Variants in DDX46 observed in about 807,000 individuals in gnomAD.
DDX46 encodes the protein DEAD-box helicase 46.
Under a neutral mutation model 134.9 loss-of-function variants are expected in DDX46, and 30 were observed. The ratio of observed to expected loss-of-function variants is 0.22; its 90% CI spans 0.17 to 0.30. The LOEUF (loss-of-function observed/expected upper bound fraction) is 0.30, where lower values mean the gene tolerates loss of function less well. DDX46 is among the 10% of genes least tolerant of loss of function. DDX46 has a pLI of 1.00. For synonymous variants in DDX46, 415 were observed against 404.1 expected, an observed-to-expected ratio of 1.03 and a Z score of -0.32; for missense variants, 622 against 1,248.7, an observed-to-expected ratio of 0.50 and a Z score of 7.56.
chr5:134,777,896 C>A, intron 6 of DDX46, 171 bp downstream of exon 6: 1 of 664,452 alleles, frequency 1.5e-6, no homozygotes, highest in Non-Finnish European at 2.3e-6. Context: ...TAAATTTTAG[C>A]TATAAGTGTT....
intron 11 of DDX46, among the ~76,000 whole-genome samples, chr5:134,787,158 A>AAGC (rs1280692727): frequency 1.3e-5 from 2 of 152,234 alleles, no homozygotes; most frequent in East Asian, 3.9e-4. Context: ...TCCTGGGCTC[A>AAGC]AGCAATCTGC....
chr5:134,781,422 A>G (rs1294118220), intron 7 of DDX46, among the ~76,000 whole-genome samples, 176 bp downstream of exon 7: 2 of 152,130 alleles, frequency 1.3e-5, no homozygotes, highest in Non-Finnish European at 2.9e-5. Flanking sequence ...TGTTTAGTGG[A>G]ACATTCTGAT....
At chr5:134,816,693 C>A in intron 19 of DDX46, 87 bp downstream of exon 19, 1 of 1,302,826 alleles carries the variant, frequency 7.7e-7, no homozygotes, top group East Asian at 2.4e-5. Context: ...CACAAGTAAA[C>A]AAGTTGTCCT....
At chr5:134,823,338 C>T (rs1294186370) in intron 21 of DDX46, among the ~76,000 whole-genome samples, 1 of 151,770 alleles carries the variant, frequency 6.6e-6, no homozygotes, top group Non-Finnish European at 1.5e-5. Flanking sequence ...TGGGGTTTCA[C>T]CATTGTTGGC....
At chr5:134,774,339 T>G (rs1489515686) in intron 5 of DDX46, among the ~76,000 whole-genome samples, 1 of 151,992 alleles carries the variant, frequency 6.6e-6, no homozygotes, top group Non-Finnish European at 1.5e-5. Context: ...TATGCCAAGT[T>G]TTGTTTGTTC....
At chr5:134,777,103 G>A (rs1451447753) in intron 5 of DDX46, among the ~76,000 whole-genome samples, 2 of 151,968 alleles carry the variant, frequency 1.3e-5, no homozygotes, top group African/African-American at 2.4e-5. Context: ...CCGGTTACTC[G>A]TCAGGCTGAG....
At chr5:134,760,436 G>T (rs545001105) in intron 1 of DDX46, among the ~76,000 whole-genome samples, 3 of 152,266 alleles carry the variant, frequency 2.0e-5, no homozygotes, top group African/African-American at 7.2e-5. Flanking sequence ...TAGGAGGTAG[G>T]TCCTGAATAG....
At chr5:134,820,056 G>A (rs1278309816) in intron 21 of DDX46, among the ~76,000 whole-genome samples, 1 of 151,984 alleles carries the variant, frequency 6.6e-6, no homozygotes, top group Non-Finnish European at 1.5e-5. Context: ...CAAGTAGCTG[G>A]GATTACAGGC....
intron 15 of DDX46, among the ~76,000 whole-genome samples, chr5:134,801,145 A>T (rs974640114): frequency 6.6e-6 from 1 of 152,030 alleles, no homozygotes; most frequent in Non-Finnish European, 1.5e-5. Context: ...ACTATAAAAA[A>T]TTAGCCTCCC....
intron 22 of DDX46, among the ~76,000 whole-genome samples, chr5:134,828,334 G>T (rs1040660441): frequency 1.3e-5 from 2 of 152,176 alleles, no homozygotes; most frequent in Non-Finnish European, 2.9e-5. Flanking sequence ...GTTAAATCAT[G>T]TGCTTAATAC....
intron 11 of DDX46, among the ~76,000 whole-genome samples, chr5:134,786,419 T>C (rs1292035787): frequency 6.6e-6 from 1 of 152,122 alleles, no homozygotes; most frequent in Non-Finnish European, 1.5e-5. Context: ...TTTTTTTCAT[T>C]TTACATATGA....
rs1436422131 is a variant in DDX46 at position 134,830,191 on chromosome 5, AAG to A, written c.*1487_*1488del. The A allele has an allele frequency of 2.6e-5, 4 of 151,784 alleles. No individual in the cohort carries two copies. Among genetic ancestry groups the A allele is most frequent in the South Asian group, 4.1e-4 (2 of 4,830 alleles). 9.4% of individuals were successfully genotyped at this position (151,784 alleles called of 1,614,324 possible). ...ATAGAAAAAAAAAAAAAAAGAAAAA[AAG>A]AATGTAAAATTTTAAAAATACAGTT... On this transcript the variant is annotated 3_prime_UTR_variant, in exon 23 of 23. Transcript: ENST00000452510.
In DDX46 at chr5:134,811,314, G is replaced by T; in HGVS notation, c.2242G>T (p.Asp748Tyr). The T allele has an allele frequency of 6.2e-7, 1 of 1,614,088 alleles. No homozygotes were observed. The highest frequency in any genetic ancestry group is 2.2e-5 in the East Asian group (1 of 44,850). Reference sequence around the variant, plus strand: ...ATTGTCAGGGACTGCAGTACCTCCTGATTTAGAGAAACTGTGGAGTGATTT... The same window carrying T: ...ATTGTCAGGGACTGCAGTACCTCCTTATTTAGAGAAACTGTGGAGTGATTT... ...LELSGTAVPP[D>Y]LEKLWSDFKD... The change falls in exon 17 of 23, where the codon GAT becomes TAT. Residue 748 changes from aspartate (D) to tyrosine (Y), a missense_variant. Asp to Tyr is a radical substitution (Grantham distance 160). Transcript: ENST00000452510.
At chr5:134,805,539 T>C (rs946061941) in intron 15 of DDX46, among the ~76,000 whole-genome samples, 3 of 151,720 alleles carry the variant, frequency 2.0e-5, no homozygotes, top group Non-Finnish European at 4.4e-5. Context: ...TTTCTTTTTT[T>C]TTTTTTGAGA....
rs529714231 is a variant in DDX46 at position 134,777,430 on chromosome 5, A to G, written c.614-144A>G. The G allele has an allele frequency of 2.4e-5, 20 of 828,584 alleles. 1 individual carries two copies. In the East Asian group the frequency reaches 5.0e-4, roughly 21 times the overall value. 51.3% of individuals were successfully genotyped at this position (828,584 alleles called of 1,614,324 possible). On this transcript the variant is annotated intron_variant, in intron 5 of 22. Coordinates refer to ENST00000452510, the MANE Select transcript of DDX46 (RefSeq NM_001300860.2). ...AATGGAAAAACCTCAGAATATGAGCATTTGAACTGATGGATGGCTGGAGTA... is the reference window on the plus strand; with the variant it reads ...AATGGAAAAACCTCAGAATATGAGCGTTTGAACTGATGGATGGCTGGAGTA...
chr5:134,782,000 C>G lies in DDX46; in HGVS notation c.959C>G (p.Pro320Arg). The change falls in exon 8 of 23, where the codon CCA becomes CGA. Residue 320 changes from proline to arginine, a missense_variant. Around this residue, in one of 8 missense-constraint regions of DDX46, gnomAD observed 63 missense variants for 84.0 expected, o/e 0.75. Transcript: ENST00000452510. ...ACAAAACAGCGAAAGCTTCTAGAAC[C>G]AGTTGATCATGGAAAAATTGAGTAT... Reference protein sequence around the residue: ...YQTKQRKLLEPVDHGKIEYEP... With the variant: ...YQTKQRKLLERVDHGKIEYEP... The G allele has an allele frequency of 6.2e-7, 1 of 1,609,874 alleles. No individual in the cohort carries two copies. Among genetic ancestry groups the G allele is most frequent in the Non-Finnish European group, 8.5e-7 (1 of 1,179,120 alleles).
chr5:134,804,505 A>G (rs974166013), intron 15 of DDX46, among the ~76,000 whole-genome samples: 1 of 151,924 alleles, frequency 6.6e-6, no homozygotes, highest in Admixed American at 6.6e-5. Flanking sequence ...AGGCACAATC[A>G]CAGCTTACTG....
At chr5:134,794,470 C>A (rs1471468432) in intron 13 of DDX46, among the ~76,000 whole-genome samples, 1 of 152,116 alleles carries the variant, frequency 6.6e-6, no homozygotes, top group Non-Finnish European at 1.5e-5. Context: ...TCCCAGAATC[C>A]TCCTCTTTTT....
rs114212732 is a variant in DDX46 at position 134,784,677 on chromosome 5, T to C, written c.1342+136T>C. 8.2e-4 allele frequency: 758 copies of C among 922,964 alleles called. 4 individuals are homozygous for C. The highest frequency in any genetic ancestry group is 7.3e-3 in the Middle Eastern group (19 of 2,610). The allele number at this position is 922,964 out of a possible 1,614,324, so 57.2% of individuals were successfully genotyped here. On this transcript the variant is annotated intron_variant, in intron 10 of 22. Coordinates refer to ENST00000452510, the MANE Select transcript of DDX46 (RefSeq NM_001300860.2). Reference sequence around the variant, plus strand: ...CATTTTCTTTATCAATTTGGCACTTTGGGGCTGATTTCCCCTTACCAGCAG... The same window carrying C: ...CATTTTCTTTATCAATTTGGCACTTCGGGGCTGATTTCCCCTTACCAGCAG...
Sources: gnomAD v4.1 joint callset for allele counts (sites outside exome capture counted in the v4.1 genomes callset) on GRCh38, gnomAD v4.1.1 for gene constraint, gnomAD v4.1.1 regional missense constraint, MANE v1.5 for transcripts, NCBI Gene and HGNC (gene_info 2026-07-23, HGNC 2026-07-21) for gene names.